MAGI1: variants seen among roughly 807,000 people sequenced by gnomAD.
MAGI1 encodes membrane associated guanylate kinase, WW and PDZ domain containing 1.
MAGI1 carries 58 observed loss-of-function variants against 139.9 expected under a neutral mutation model. The ratio of observed to expected loss-of-function variants is 0.41; its 90% CI spans 0.34 to 0.52. MAGI1 has a LOEUF of 0.52. MAGI1 is among the 20% of genes least tolerant of loss of function. The pLI is 0.12. For missense variants in MAGI1, 1,874 were observed against 1,901.6 expected, an observed-to-expected ratio of 0.99 and a Z score of 0.27; for synonymous variants, 812 against 737.9, an observed-to-expected ratio of 1.10 and a Z score of -1.63.
chr3:65,554,148 C>G (rs932581884), intron 2 of MAGI1, among the ~76,000 whole-genome samples: 1 of 152,132 alleles, frequency 6.6e-6, no homozygotes, highest in African/African-American at 2.4e-5. Context: ...TTTCACTCCC[C>G]AAGAACCAGT....
chr3:65,869,181 A>G (rs2372156), intron 1 of MAGI1, among the ~76,000 whole-genome samples: 33,929 of 146,488 alleles, frequency 0.23, 4,503 homozygotes, highest in South Asian at 0.37. Flanking sequence ...GCGTGAACCC[A>G]GGAGGCGGAG....
chr3:66,028,717 C>T (rs1319509575), intron 1 of MAGI1, among the ~76,000 whole-genome samples: 1 of 152,158 alleles, frequency 6.6e-6, no homozygotes, highest in Non-Finnish European at 1.5e-5. Context: ...TCACCGAGGA[C>T]AATGTGGGAG....
intron 1 of MAGI1, among the ~76,000 whole-genome samples, chr3:65,698,796 C>A (rs2089393447): frequency 6.9e-6 from 1 of 145,024 alleles, no homozygotes; most frequent in Non-Finnish European, 1.5e-5. Flanking sequence ...TAGGCATTAC[C>A]ATTCAGGACA....
intron 1 of MAGI1, among the ~76,000 whole-genome samples, chr3:66,018,506 A>G (rs747258495): frequency 1.3e-4 from 20 of 152,188 alleles, no homozygotes; most frequent in Non-Finnish European, 1.5e-4. Context: ...AGAGAGGTTA[A>G]GCAAGTGATC....
At position 65,356,668 on chromosome 3, in the gene MAGI1, G is replaced by A. The variant is rs778133321; in HGVS notation, c.4099C>T (p.Pro1367Ser). 2 of 1,584,648 alleles carry A rather than the reference G, an allele frequency of 1.3e-6. No individual in the cohort carries two copies. The highest frequency in any genetic ancestry group is 1.4e-5 in the African/African-American group (1 of 73,798). The part of the protein sequence containing the change: ...RSPTRRRDGS[P>S]SRRRRSLERL... Reference sequence around the variant, plus strand: ...TCCAGAGACCGTCTCCGCCGGCTGGGGGAGCCGTCTCTCCTGCGGGTGGGT... The same window carrying A: ...TCCAGAGACCGTCTCCGCCGGCTGGAGGAGCCGTCTCTCCTGCGGGTGGGT... Residue 1367 changes from proline (P) to serine (S), a missense_variant, in exon 23 of 23, where the codon CCC becomes TCC. Coordinates refer to ENST00000402939, the MANE Select transcript of MAGI1 (RefSeq NM_001033057.2).
At chr3:65,890,346 C>A (rs1181893425) in intron 1 of MAGI1, among the ~76,000 whole-genome samples, 1 of 152,308 alleles carries the variant, frequency 6.6e-6, no homozygotes, top group Non-Finnish European at 1.5e-5. Context: ...GCCTGGGCGA[C>A]AGAGCGAGAC....
At chr3:65,563,981 G>A (rs978390751) in intron 2 of MAGI1, among the ~76,000 whole-genome samples, 8 of 152,114 alleles carry the variant, frequency 5.3e-5, no homozygotes, top group Non-Finnish European at 1.0e-4. Context: ...TAATAAATGT[G>A]GCTTCCAGCA....
At chr3:65,820,191 G>A (rs1575604823) in intron 1 of MAGI1, among the ~76,000 whole-genome samples, 1 of 152,240 alleles carries the variant, frequency 6.6e-6, no homozygotes, top group East Asian at 1.9e-4. Context: ...CACACTTGTA[G>A]GCAGTGTTAT....
Position 65,407,340 on chromosome 3 carries a change from G to C in MAGI1, c.2168-5870C>G, listed in dbSNP as rs1035196922. Among the ~76,000 whole-genome samples the C allele has an allele frequency of 3.9e-5, 6 of 151,976 alleles. No individual in the cohort carries two copies. The South Asian group carries it at 1.3e-3, about 32-fold the overall frequency. On this transcript the variant is annotated intron_variant, in intron 12 of 22. Coordinates refer to ENST00000402939, the MANE Select transcript of MAGI1 (RefSeq NM_001033057.2). ...CAGGTACCTGTAATCCCAGCTACTCGGGAGGCTGAGACAGGAGAATCACTT... is the reference window on the plus strand; with the variant it reads ...CAGGTACCTGTAATCCCAGCTACTCCGGAGGCTGAGACAGGAGAATCACTT...
intron 18 of MAGI1, chr3:65,365,333 A>T: frequency 2.6e-6 from 1 of 387,244 alleles, no homozygotes; most frequent in Non-Finnish European, 5.0e-6. Flanking sequence ...CTGATAATTA[A>T]TGTCTCTACC....
intron 1 of MAGI1, among the ~76,000 whole-genome samples, chr3:65,658,514 G>A (rs766887276): frequency 6.6e-6 from 1 of 152,208 alleles, no homozygotes; most frequent in Non-Finnish European, 1.5e-5. Flanking sequence ...GAATTCTTCA[G>A]ACCAGTTCTT....
chr3:65,917,105 A>G (rs2061945263), intron 1 of MAGI1, among the ~76,000 whole-genome samples: 1 of 152,230 alleles, frequency 6.6e-6, no homozygotes, highest in African/African-American at 2.4e-5. Flanking sequence ...ACACATAAAG[A>G]GAGAAACATC....
intron 1 of MAGI1, among the ~76,000 whole-genome samples, chr3:65,804,605 A>G (rs1412680454): frequency 1.2e-5 from 1 of 83,602 alleles, no homozygotes; most frequent in African/African-American, 4.9e-5. Flanking sequence ...TTTTCTGTAC[A>G]CATCATGAAC....
intron 1 of MAGI1, among the ~76,000 whole-genome samples, chr3:65,660,791 G>A (rs1026715602): frequency 1.3e-5 from 2 of 152,180 alleles, no homozygotes; most frequent in Admixed American, 1.3e-4. Context: ...TCATCTCTAT[G>A]GGAGGCCACC....
intron 1 of MAGI1, among the ~76,000 whole-genome samples, chr3:65,832,470 G>C (rs550213647): frequency 1.3e-5 from 2 of 152,236 alleles, no homozygotes; most frequent in African/African-American, 4.8e-5. Flanking sequence ...CAAACTGCTA[G>C]CATGTCTCTG....
chr3:65,799,867 G>A (rs939921793), intron 1 of MAGI1, among the ~76,000 whole-genome samples: 29 of 151,888 alleles, frequency 1.9e-4, no homozygotes, highest in Admixed American at 6.6e-4. Flanking sequence ...TGTACCCAAC[G>A]CTTTACATTT....
intron 5 of MAGI1, among the ~76,000 whole-genome samples, chr3:65,468,482 A>T (rs6766955): frequency 0.87 from 131,533 of 150,492 alleles, 57,582 homozygotes; most frequent in East Asian, 0.97. Context: ...TTCAAGTGAT[A>T]CTCTTGCCTC....
chr3:65,560,406 T>C (rs1193315898), intron 2 of MAGI1, among the ~76,000 whole-genome samples: 3 of 152,194 alleles, frequency 2.0e-5, no homozygotes, highest in Non-Finnish European at 4.4e-5. Context: ...GTGTACCCCA[T>C]AAATACATAT....
intron 1 of MAGI1, among the ~76,000 whole-genome samples, chr3:65,852,469 C>G (rs1163380857): frequency 2.6e-5 from 4 of 151,844 alleles, no homozygotes; most frequent in Non-Finnish European, 5.9e-5. Context: ...ACCTCCATTA[C>G]CATAAAAATG....
Sources: gnomAD v4.1 joint callset for allele counts (sites outside exome capture counted in the v4.1 genomes callset) on GRCh38, gnomAD v4.1.1 for gene constraint, MANE v1.5 for transcripts, NCBI Gene and HGNC (gene_info 2026-07-23, HGNC 2026-07-21) for gene names.